Variants in MALRD1 observed in about 807,000 individuals in gnomAD.
MALRD1 encodes the protein MAM and LDL receptor class A domain containing 1.
MALRD1 carries 247 observed loss-of-function variants against 242.1 expected under a neutral mutation model. That is an observed-to-expected ratio of 1.02 (90% CI 0.92 to 1.13). The LOEUF is 1.13. Ranked by LOEUF, MALRD1 falls within the 50% of genes most tolerant of loss-of-function variation. MALRD1 has a pLI of 0.00. For missense variants in MALRD1, 2,989 were observed against 2,533.1 expected, an observed-to-expected ratio of 1.18 and a Z score of -3.86; for synonymous variants, 995 against 866.6, an observed-to-expected ratio of 1.15 and a Z score of -2.60.
intron 18 of MALRD1, among the ~76,000 whole-genome samples, chr10:19,250,549 C>T (rs766438091): frequency 2.0e-5 from 3 of 151,864 alleles, no homozygotes; most frequent in Non-Finnish European, 4.4e-5. Flanking sequence ...TTAAAATTTA[C>T]TTAGGCAGGT....
chr10:19,409,981 GT>G (rs1833206323), intron 28 of MALRD1, among the ~76,000 whole-genome samples: 1 of 151,904 alleles, frequency 6.6e-6, no homozygotes, highest in Non-Finnish European at 1.5e-5. Flanking sequence ...CATGACATAT[GT>G]TTAGATCTGT....
chr10:19,664,976 G>A (rs1268961032), intron 36 of MALRD1, among the ~76,000 whole-genome samples: 1 of 152,034 alleles, frequency 6.6e-6, no homozygotes, highest in Non-Finnish European at 1.5e-5. Context: ...AGCAGATCAA[G>A]AGACACTTAT....
intron 34 of MALRD1, among the ~76,000 whole-genome samples, chr10:19,604,448 TGA>T (rs956065353): frequency 4.3e-4 from 65 of 152,190 alleles, no homozygotes; most frequent in African/African-American, 1.5e-3. Flanking sequence ...CTGTGAAGTC[TGA>T]GAGAGGTGAG....
At chr10:19,221,698 T>G (rs968989857) in intron 18 of MALRD1, among the ~76,000 whole-genome samples, 1 of 152,102 alleles carries the variant, frequency 6.6e-6, no homozygotes, top group Non-Finnish European at 1.5e-5. Flanking sequence ...CCTGTTAGAC[T>G]TGTCATGATT....
intron 5 of MALRD1, 141 bp downstream of exon 5, chr10:19,104,216 A>G: frequency 2.2e-6 from 1 of 447,218 alleles, no homozygotes; most frequent in Non-Finnish European, 3.7e-6. Flanking sequence ...TACATTGTAT[A>G]ACAGTGACTG....
At chr10:19,488,990 C>A (rs1352061652) in intron 29 of MALRD1, 2 of 448,768 alleles carry the variant, frequency 4.5e-6, no homozygotes, top group Non-Finnish European at 9.0e-6. Context: ...GGCTCCCAAT[C>A]CGGTTCTATC....
intron 28 of MALRD1, among the ~76,000 whole-genome samples, chr10:19,427,421 G>C (rs1269670393): frequency 6.6e-6 from 1 of 152,168 alleles, no homozygotes; most frequent in Non-Finnish European, 1.5e-5. Context: ...AAAATGTCCA[G>C]ATAATAGATT....
At chr10:19,334,125 T>G (rs945509541) in intron 24 of MALRD1, among the ~76,000 whole-genome samples, 77 of 146,722 alleles carry the variant, frequency 5.2e-4, no homozygotes, top group African/African-American at 1.7e-3. Flanking sequence ...GTAGGTTTTT[T>G]TTTTTTTTTT....
At chr10:19,238,313 T>G (rs1332125795) in intron 18 of MALRD1, among the ~76,000 whole-genome samples, 6 of 84,246 alleles carry the variant, frequency 7.1e-5, no homozygotes, top group Non-Finnish European at 1.2e-4. Context: ...TAATATGTAA[T>G]ATACATAATG....
intron 14 of MALRD1, among the ~76,000 whole-genome samples, chr10:19,177,234 C>T (rs568758889): frequency 4.0e-5 from 6 of 149,776 alleles, no homozygotes; most frequent in South Asian, 4.2e-4. Flanking sequence ...GAGCCGAGAT[C>T]GCGCCACTGC....
At chr10:19,698,524 G>T (rs73595893) in intron 38 of MALRD1, among the ~76,000 whole-genome samples, 4,778 of 152,230 alleles carry the variant, frequency 0.031, 228 homozygotes, top group African/African-American at 0.11. Flanking sequence ...AGTTTTTGAA[G>T]TTATTGTCTT....
At chr10:19,318,167 T>G (rs1449471303) in intron 21 of MALRD1, among the ~76,000 whole-genome samples, 1 of 152,026 alleles carries the variant, frequency 6.6e-6, no homozygotes, top group Non-Finnish European at 1.5e-5. Context: ...ATAATCTCAT[T>G]GCAGACATAG....
chr10:19,570,164 A>G (rs1316331194), intron 33 of MALRD1, among the ~76,000 whole-genome samples: 1 of 151,952 alleles, frequency 6.6e-6, no homozygotes, highest in Non-Finnish European at 1.5e-5. Context: ...TAATAAACGT[A>G]CCTCTCCCAA....
At chr10:19,478,749 C>T (rs1168950904) in intron 29 of MALRD1, among the ~76,000 whole-genome samples, 6 of 152,128 alleles carry the variant, frequency 3.9e-5, no homozygotes, top group African/African-American at 1.4e-4. Context: ...TATGTAACAA[C>T]CAGTAAATTA....
intron 35 of MALRD1, among the ~76,000 whole-genome samples, chr10:19,612,277 C>T (rs1373817796): frequency 6.6e-6 from 1 of 151,886 alleles, no homozygotes; most frequent in Non-Finnish European, 1.5e-5. Context: ...TATGTTTGTT[C>T]TGTTCAGAGG....
chr10:19,161,053 C>T (rs980490269), intron 12 of MALRD1, among the ~76,000 whole-genome samples: 76 of 149,088 alleles, frequency 5.1e-4, no homozygotes, highest in Non-Finnish European at 9.5e-4. Flanking sequence ...CACATGCACA[C>T]GTATGTTTAT....
intron 21 of MALRD1, among the ~76,000 whole-genome samples, chr10:19,290,647 T>C (rs976332432): frequency 2.6e-5 from 4 of 152,164 alleles, no homozygotes; most frequent in African/African-American, 4.8e-5. Flanking sequence ...AATCATAATC[T>C]AGTATTAAAT....
At chr10:19,525,139 T>C (rs953408888) in intron 31 of MALRD1, among the ~76,000 whole-genome samples, 2 of 151,650 alleles carry the variant, frequency 1.3e-5, no homozygotes, top group African/African-American at 2.4e-5. Flanking sequence ...GGTCTCGAGC[T>C]CCTGCCCCTA....
chr10:19,454,642 T>C (rs991769405), intron 29 of MALRD1, among the ~76,000 whole-genome samples: 17 of 150,776 alleles, frequency 1.1e-4, no homozygotes, highest in African/African-American at 3.7e-4. Flanking sequence ...GGTTATGTCC[T>C]GATAAACCCA....
Sources: allele counts gnomAD v4.1 joint callset (sites outside exome capture counted in the v4.1 genomes callset), GRCh38; gene constraint gnomAD v4.1.1; transcripts MANE v1.5; gene names NCBI Gene and HGNC (gene_info 2026-07-23, HGNC 2026-07-21).